Variants in PRPF18 observed in about 807,000 individuals in gnomAD.
The protein encoded by PRPF18 is pre-mRNA processing factor 18, also known as pre-mRNA-splicing factor 18.
PRPF18 carries 38 observed loss-of-function variants against 46.5 expected under a neutral mutation model. The ratio of observed to expected loss-of-function variants is 0.82; its 90% CI spans 0.63 to 1.07. The LOEUF (loss-of-function observed/expected upper bound fraction) is 1.07. PRPF18 is among the 50% of genes least tolerant of loss of function. PRPF18 has a pLI of 0.00. For synonymous variants in PRPF18, 152 were observed against 146.7 expected (o/e 1.04, Z -0.26); for missense variants, 263 against 410.0 (o/e 0.64, Z 3.10).
intron 4 of PRPF18, 105 bp downstream of exon 4, chr10:13,605,849 G>T (rs905899162): frequency 4.2e-5 from 57 of 1,364,242 alleles, no homozygotes; most frequent in Non-Finnish European, 5.1e-5. Context: ...AGTAAAGTGA[G>T]CAGATTATTG....
chr10:13,652,605 G>A, the PRPF18 span: 1 of 152,796 alleles, frequency 6.5e-6, no homozygotes, highest in Non-Finnish European at 1.5e-5. Context: ...GTGGGTGAGT[G>A]TTAATGATCT....
At chr10:13,616,989 G>A (rs1401134599) in intron 9 of PRPF18, among the ~76,000 whole-genome samples, 1 of 152,154 alleles carries the variant, frequency 6.6e-6, no homozygotes, top group Admixed American at 6.5e-5. Context: ...TAAAGACTTG[G>A]CTTTAATGTA....
chr10:13,642,418 C>T, the PRPF18 span: 2 of 152,158 alleles, frequency 1.3e-5, no homozygotes, highest in African/African-American at 2.4e-5. Flanking sequence ...TACATAGAGC[C>T]TTTTTGAAAT....
At chr10:13,651,955 G>A in the PRPF18 span, 4 of 1,595,232 alleles carry the variant, frequency 2.5e-6, 1 homozygote, top group East Asian at 2.2e-5. Flanking sequence ...TCCAGAATGG[G>A]TGAGTTTTCT....
At chr10:13,592,907 C>T (rs1424264418) in intron 1 of PRPF18, among the ~76,000 whole-genome samples, 1 of 152,188 alleles carries the variant, frequency 6.6e-6, no homozygotes, top group Non-Finnish European at 1.5e-5. Context: ...CAGCATAGCG[C>T]TGGCATAAAG....
rs577553497 is a variant in PRPF18, at chr10:13,612,832, A to T, written c.580-909A>T. Among the ~76,000 whole-genome samples the T allele has an allele frequency of 2.3e-3, 346 of 152,092 alleles. 7 individuals carry two copies. The highest frequency in any genetic ancestry group is 3.2e-3 in the Non-Finnish European group (215 of 67,986). Reference sequence around the variant, plus strand: ...AGTGCTCAATTCTTCAGTTCTACAAATAGCTGCCTATTTTTGCTGACTTGC... The same window carrying T: ...AGTGCTCAATTCTTCAGTTCTACAATTAGCTGCCTATTTTTGCTGACTTGC... On this transcript the variant is annotated intron_variant, in intron 6 of 9. Transcript: ENST00000378572.
the PRPF18 span, chr10:13,654,801 G>T: frequency 2.1e-6 from 1 of 468,778 alleles, no homozygotes; most frequent in South Asian, 3.9e-5. Flanking sequence ...TCCCCGCTTT[G>T]CCACCAGGAG....
intron 9 of PRPF18, among the ~76,000 whole-genome samples, chr10:13,617,577 T>C (rs1206349325): frequency 6.6e-6 from 1 of 151,124 alleles, no homozygotes; most frequent in Non-Finnish European, 1.5e-5. Context: ...GCTTTAACAA[T>C]AGAAAACAGG....
chr10:13,591,951 C>T, intron 1 of PRPF18: 1 of 1,205,320 alleles, frequency 8.3e-7, no homozygotes, highest in Non-Finnish European at 1.2e-6. Flanking sequence ...TTTGCCATGG[C>T]TCAACAGCTT....
rs142905402 is a variant in PRPF18 at position 13,596,154 on chromosome 10, A to C, written c.67-1304A>C. ...AATGAAGAACGTTGTCATTTTCTCAACTTGGCTGATTTTTTCCATGCCATT... is the reference window on the plus strand; with the variant it reads ...AATGAAGAACGTTGTCATTTTCTCACCTTGGCTGATTTTTTCCATGCCATT... On this transcript the variant is annotated intron_variant, in intron 1 of 9. Transcript: ENST00000378572. Among the ~76,000 whole-genome samples, 908 of 152,288 alleles carry C rather than the reference A, an allele frequency of 6.0e-3. 5 individuals are homozygous for C. Among genetic ancestry groups the C allele is most frequent in the African/African-American group, 0.02 (815 of 41,546 alleles).
At chr10:13,613,403 T>G (rs2080299284) in intron 6 of PRPF18, among the ~76,000 whole-genome samples, 1 of 149,934 alleles carries the variant, frequency 6.7e-6, no homozygotes, top group African/African-American at 2.4e-5. Flanking sequence ...ACTCGTAACT[T>G]GTTGAATTTT....
chr10:13,606,744 A>AAAAAAC (rs2080190868), intron 4 of PRPF18, among the ~76,000 whole-genome samples: 1 of 151,516 alleles, frequency 6.6e-6, no homozygotes, highest in Non-Finnish European at 1.5e-5. Flanking sequence ...AAAAAAAAAA[A>AAAAAAC]AAAAAAAAAA....
chr10:13,587,267 A>C, intron 1 of PRPF18, 115 bp downstream of exon 1: 1 of 1,150,702 alleles, frequency 8.7e-7, no homozygotes, highest in Non-Finnish European at 1.3e-6. Flanking sequence ...GGGCTTAGCG[A>C]GTGTCCTGCC....
the PRPF18 span, chr10:13,640,477 C>T: frequency 2.0e-5 from 3 of 152,212 alleles, no homozygotes; most frequent in East Asian, 3.8e-4. Flanking sequence ...GGATCCCTCC[C>T]TAGATGATGT....
At chr10:13,637,247 G>A in the PRPF18 span, 1 of 152,166 alleles carries the variant, frequency 6.6e-6, no homozygotes, top group Non-Finnish European at 1.5e-5. Context: ...TATTGTCAAA[G>A]AGTTTTCCAA....
At position 13,630,800 on chromosome 10, in the gene PRPF18, T is replaced by G. The variant is rs1401821663; in HGVS notation, c.*460T>G. 6.6e-6 allele frequency: 1 copy of G among 152,166 alleles called. No homozygotes were observed. The highest frequency in any genetic ancestry group is 2.4e-5 in the African/African-American group (1 of 41,450). The allele number at this position is 152,166 out of a possible 1,614,324, so 9.4% of individuals were successfully genotyped here. ...CATGGGACCATTGAATGAAACTTTATAGTCCTTAAATGTTGCTGAACTTTT... is the reference window on the plus strand; with the variant it reads ...CATGGGACCATTGAATGAAACTTTAGAGTCCTTAAATGTTGCTGAACTTTT... On this transcript the variant is annotated 3_prime_UTR_variant, in exon 10 of 10. Coordinates refer to ENST00000378572, the MANE Select transcript of PRPF18 (RefSeq NM_003675.4).
chr10:13,645,859 G>A, the PRPF18 span: 1 of 152,548 alleles, frequency 6.6e-6, no homozygotes, highest in Non-Finnish European at 1.5e-5. Context: ...TTTTCCCTTG[G>A]TTTCCCATAA....
chr10:13,616,328 A>G, intron 8 of PRPF18, 70 bp from the exon 9 acceptor site: 1 of 1,449,650 alleles, frequency 6.9e-7, no homozygotes. Flanking sequence ...GCTGTGAAAT[A>G]CTTTCAGTAA....
At chr10:13,616,674 A>C in intron 9 of PRPF18, 121 bp downstream of exon 9, 1 of 1,297,948 alleles carries the variant, frequency 7.7e-7, no homozygotes, top group Non-Finnish European at 1.1e-6. Flanking sequence ...ATAGGATGGA[A>C]GTCCCCTCTG....
Sources: gnomAD v4.1 joint callset for allele counts (sites outside exome capture counted in the v4.1 genomes callset) on GRCh38, gnomAD v4.1.1 for gene constraint, MANE v1.5 for transcripts, NCBI Gene and HGNC (gene_info 2026-07-23, HGNC 2026-07-21) for gene names.